The following CWC15 variants were observed in gnomAD, a reference collection of about 807,000 sequenced individuals.
CWC15 encodes the protein spliceosome-associated protein CWC15 homolog.
A neutral mutation model predicts 28.4 loss-of-function variants in CWC15; 12 were observed. The ratio of observed to expected loss-of-function variants is 0.42; its 90% CI spans 0.27 to 0.69. The LOEUF is 0.69. Ranked by LOEUF, CWC15 falls within the 30% of genes least tolerant of loss-of-function variation. The probability of loss-of-function intolerance (pLI) is 0.23; values close to 1 mark genes in which losing one functional copy is unlikely to be tolerated. For missense variants in CWC15, 192 were observed against 271.5 expected (o/e 0.71, Z 2.06); for synonymous variants, 92 against 88.4 (o/e 1.04, Z -0.23).
Position 94,967,306 on chromosome 11 carries a change from G to A in CWC15, c.442-893C>T, listed in dbSNP as rs936863539. Among the ~76,000 whole-genome samples the A allele has an allele frequency of 3.3e-5, 5 of 152,246 alleles. No individual in the cohort carries two copies. In the East Asian group the frequency reaches 5.8e-4, roughly 18 times the overall value. On this transcript the variant is annotated intron_variant, in intron 5 of 6. Coordinates refer to ENST00000279839, the MANE Select transcript of CWC15 (RefSeq NM_016403.4). The stretch of plus-strand genomic sequence containing the variant: ...CTCCCAAAGTGCTGAGATTACAGGC[G>A]TGAGCCACCGTGCCCGGCCTCAGTT...
At chr11:94,965,029 G>C (rs1555095008) in intron 6 of CWC15, among the ~76,000 whole-genome samples, 1 of 152,210 alleles carries the variant, frequency 6.6e-6, no homozygotes, top group Non-Finnish European at 1.5e-5. Flanking sequence ...GCAGTCAGCA[G>C]TACTGCATCA....
rs756597175 is a variant in CWC15 at position 94,963,624 on chromosome 11, G to T, written c.561-110C>A. Reference sequence around the variant, plus strand: ...TTACACAGAAAGATGCTCAACATGTGTATCATCTGATGCAGCAATTACACT... The same window carrying T: ...TTACACAGAAAGATGCTCAACATGTTTATCATCTGATGCAGCAATTACACT... On this transcript the variant is annotated intron_variant, in intron 6 of 6. Coordinates refer to ENST00000279839, the MANE Select transcript of CWC15 (RefSeq NM_016403.4). 1,232 of 782,922 alleles carry T rather than the reference G, an allele frequency of 1.6e-3. 1 individual carries two copies. Among genetic ancestry groups the T allele is most frequent in the Non-Finnish European group, 2.1e-3 (1,169 of 546,122 alleles). 48.5% of individuals were successfully genotyped at this position (782,922 alleles called of 1,614,324 possible).
At chr11:94,971,948 T>C (rs1857728227) in intron 2 of CWC15, 107 bp downstream of exon 2, 1 of 1,041,888 alleles carries the variant, frequency 9.6e-7, no homozygotes, top group Non-Finnish European at 1.4e-6. Context: ...TCTATTCCTA[T>C]GAAAATAGAT....
At chr11:94,963,609 A>G in intron 6 of CWC15, 95 bp from the exon 7 acceptor site, 1 of 1,016,144 alleles carries the variant, frequency 9.8e-7, no homozygotes, top group South Asian at 2.3e-5. Context: ...TTACACAGAA[A>G]GATGCTCAAC....
chr11:94,968,894 A>C (rs1307776193), intron 5 of CWC15, among the ~76,000 whole-genome samples: 2 of 152,218 alleles, frequency 1.3e-5, no homozygotes, highest in East Asian at 1.9e-4. Flanking sequence ...TTTTACACAG[A>C]AATCTATGAA....
At chr11:94,967,561 A>T (rs1857663304) in intron 5 of CWC15, among the ~76,000 whole-genome samples, 2 of 152,234 alleles carry the variant, frequency 1.3e-5, no homozygotes, top group African/African-American at 2.4e-5. Context: ...GAAATTGATG[A>T]CTTAATAGAT....
In CWC15 at chr11:94,973,047, T is replaced by TGGG. The variant is rs149342141; in HGVS notation, c.-9+448_-9+450dup. On this transcript the variant is annotated intron_variant, in intron 1 of 6. Transcript: ENST00000279839. ...GGGTGGGCGAATTGGGAGGATTTTT[T>TGGG]GGGGGGGGGGCGATGCTAATTCTCT... 7.2e-3 allele frequency among the ~76,000 whole-genome samples: 742 copies of TGGG among 102,700 alleles called. 7 individuals are homozygous for TGGG. Among genetic ancestry groups the TGGG allele is most frequent in the East Asian group, 0.039 (123 of 3,160 alleles). 67.4% of individuals were successfully genotyped at this position (102,700 alleles called of 152,430 possible).
intron 2 of CWC15, 35 bp downstream of exon 2, chr11:94,972,020 G>A (rs782728597): frequency 6.3e-7 from 1 of 1,587,650 alleles, no homozygotes; most frequent in East Asian, 2.2e-5. Context: ...ATCTGGTCTT[G>A]TTTTGTGAAC....
intron 5 of CWC15, among the ~76,000 whole-genome samples, chr11:94,967,115 A>T (rs587619656): frequency 6.8e-5 from 10 of 148,146 alleles, no homozygotes; most frequent in Admixed American, 2.1e-4. Flanking sequence ...GCATGATCTC[A>T]GCTCACTGCA....
At chr11:94,971,230 A>C in intron 3 of CWC15, 145 bp downstream of exon 3, 1 of 921,544 alleles carries the variant, frequency 1.1e-6, no homozygotes, top group Non-Finnish European at 1.7e-6. Flanking sequence ...ATTTGTTGTT[A>C]TTATCTCTAA....
chr11:94,967,007 C>T (rs1555095421), intron 5 of CWC15, among the ~76,000 whole-genome samples: 1 of 151,804 alleles, frequency 6.6e-6, no homozygotes, highest in Non-Finnish European at 1.5e-5. Context: ...TACTAATTTA[C>T]CTGAGGTTGA....
chr11:94,972,080 G>A lies in CWC15; in HGVS notation c.106C>T (p.Pro36Ser). 1 of 1,613,508 alleles carries A rather than the reference G, an allele frequency of 6.2e-7. No homozygotes were observed. Among genetic ancestry groups the A allele is most frequent in the African/African-American group, 1.3e-5 (1 of 74,970 alleles). ...CTGTATTTTATCTTTGTATGAGAGGGTAGGTCTCTGCTTGAATACTGCTTT... is the reference window on the plus strand; with the variant it reads ...CTGTATTTTATCTTTGTATGAGAGGATAGGTCTCTGCTTGAATACTGCTTT... Reference protein sequence around the residue: ...LSKQYSSRDLPSHTKIKYRQT... With the variant: ...LSKQYSSRDLSSHTKIKYRQT... Residue 36 changes from proline (P) to serine (S), a missense_variant, in exon 2 of 7, where the codon CCC becomes TCC. Pro to Ser is a moderately conservative substitution (Grantham distance 74). This residue lies in a region of CWC15 where 188 missense variants were observed against 250.3 expected (regional missense o/e 0.75). Coordinates refer to ENST00000279839, the MANE Select transcript of CWC15 (RefSeq NM_016403.4).
chr11:94,967,209 G>A (rs1555095468), intron 5 of CWC15, among the ~76,000 whole-genome samples: 8 of 152,152 alleles, frequency 5.3e-5, no homozygotes. Context: ...TGTATTTTTA[G>A]TAGAGACGTC....
chr11:94,972,192 T>G lies in CWC15; in HGVS notation c.-7A>C. 2 of 1,610,112 alleles carry G rather than the reference T, an allele frequency of 1.2e-6. No homozygotes were observed. The highest frequency in any genetic ancestry group is 1.7e-6 in the Non-Finnish European group (2 of 1,178,788). ...GCCTGGCTGCTGTTGTCATCTTTTA[T>G]GCTTTGAAGAAAAATATAATCAAGT... On this transcript the variant is annotated splice_region_variant and 5_prime_UTR_variant, in exon 2 of 7. Transcript: ENST00000279839.
intron 6 of CWC15, 26 bp downstream of exon 6, chr11:94,966,259 ACACACACACT>A (rs781824686): frequency 4.4e-6 from 4 of 905,332 alleles, no homozygotes; most frequent in Admixed American, 2.2e-5. Context: ...ACACACACAC[ACACACACACT>A]CCATTACTCC....
At chr11:94,964,325 G>A (rs1555094883) in intron 6 of CWC15, among the ~76,000 whole-genome samples, 4 of 152,058 alleles carry the variant, frequency 2.6e-5, no homozygotes, top group Non-Finnish European at 5.9e-5. Flanking sequence ...ACTGCACATG[G>A]GAACAAATGT....
chr11:94,968,143 A>G (rs1241496431), intron 5 of CWC15, among the ~76,000 whole-genome samples: 2 of 152,176 alleles, frequency 1.3e-5, no homozygotes, highest in African/African-American at 4.8e-5. Flanking sequence ...TAAATATTTT[A>G]TTGAAACATT....
At chr11:94,970,298 A>C in intron 4 of CWC15, 1 of 407,684 alleles carries the variant, frequency 2.5e-6, no homozygotes. Flanking sequence ...ATGAATAATC[A>C]TTAAATTTCA....
chr11:94,965,777 G>A (rs1555095134), intron 6 of CWC15, among the ~76,000 whole-genome samples: 1 of 152,184 alleles, frequency 6.6e-6, no homozygotes, highest in African/African-American at 2.4e-5. Flanking sequence ...AATGTGCTGT[G>A]TGACCACTCA....
Sources: gnomAD v4.1 joint callset for allele counts (sites outside exome capture counted in the v4.1 genomes callset) on GRCh38, gnomAD v4.1.1 for gene constraint, gnomAD v4.1.1 regional missense constraint, MANE v1.5 for transcripts, NCBI Gene and HGNC (gene_info 2026-07-23, HGNC 2026-07-21) for gene names.